Variants in COL4A4 observed in about 807,000 individuals in gnomAD.
COL4A4 encodes collagen alpha-4(IV) chain.
In COL4A4, 105 loss-of-function variants were observed where a neutral mutation model predicts 192.9. That is an observed-to-expected ratio of 0.54 (90% CI 0.46 to 0.64). COL4A4 has a LOEUF of 0.64. Among genes scored for constraint, COL4A4 ranks in the 30% least tolerant of loss-of-function variants. The pLI is 0.00. For synonymous variants in COL4A4, 762 were observed against 769.9 expected (o/e 0.99, Z 0.17); for missense variants, 1,967 against 2,169.3 (o/e 0.91, Z 1.85).
At chr2:227,008,681 T>C (rs1046021469) in intron 46 of COL4A4, among the ~76,000 whole-genome samples, 11 of 152,220 alleles carry the variant, frequency 7.2e-5, no homozygotes, top group Non-Finnish European at 1.5e-4. Context: ...AACTGGAATA[T>C]GTGATTTTAA....
chr2:227,060,036 T>C (rs969102956), intron 27 of COL4A4, 100 bp downstream of exon 27: 48 of 808,518 alleles, frequency 5.9e-5, no homozygotes, highest in Non-Finnish European at 8.8e-5. Flanking sequence ...CCCTGGACCA[T>C]TTCCTCAATG....
rs72969704 is a variant in COL4A4 at position 227,010,486 on chromosome 2, A to G, written c.4349T>C (p.Ile1450Thr). ...YPGGPGPPGPIGDPGPKGFGP... is the reference protein window; with the variant it reads ...YPGGPGPPGPTGDPGPKGFGP... ...AAACCCTTTGGGCCCAGGATCCCCA[A>G]TGGGACCAGGAGGCCCTGGAGGAAC... Residue 1450 changes from isoleucine to threonine, a missense_variant, in exon 46 of 48, where the codon ATT becomes ACT. Physicochemically the swap from Ile to Thr is moderately conservative, Grantham distance 89. Transcript: ENST00000396625. 1,348 of 1,586,956 alleles carry G rather than the reference A, an allele frequency of 8.5e-4. 2 individuals are homozygous for G. The highest frequency in any genetic ancestry group is 1.1e-3 in the Non-Finnish European group (1,234 of 1,167,820).
chr2:227,132,498 G>C (rs753915616), intron 4 of COL4A4, among the ~76,000 whole-genome samples: 1 of 152,152 alleles, frequency 6.6e-6, no homozygotes, highest in Non-Finnish European at 1.5e-5. Flanking sequence ...GATAGAGGAC[G>C]AGTGCAGTGG....
intron 6 of COL4A4, among the ~76,000 whole-genome samples, chr2:227,119,620 A>G (rs1425573960): frequency 6.7e-6 from 1 of 148,722 alleles, no homozygotes; most frequent in Non-Finnish European, 1.5e-5. Context: ...ATTGAAAGTA[A>G]CAGCAAAAAC....
intron 20 of COL4A4, among the ~76,000 whole-genome samples, chr2:227,091,046 C>T (rs2059892416): frequency 6.6e-6 from 1 of 151,770 alleles, no homozygotes; most frequent in East Asian, 1.9e-4. Flanking sequence ...AAAAGATCCC[C>T]TTCCTGAAAT....
intron 1 of COL4A4, among the ~76,000 whole-genome samples, chr2:227,159,850 T>C (rs2064677728): frequency 6.6e-6 from 1 of 152,268 alleles, no homozygotes; most frequent in Non-Finnish European, 1.5e-5. Context: ...TGATTCTTCA[T>C]GGCAGTATGA....
At chr2:227,158,827 T>C (rs2064568239) in intron 1 of COL4A4, among the ~76,000 whole-genome samples, 1 of 151,986 alleles carries the variant, frequency 6.6e-6, no homozygotes, top group African/African-American at 2.4e-5. Context: ...AATAAATATA[T>C]GGAGCAACTG....
chr2:227,076,881 T>C (rs1329816096), intron 25 of COL4A4, among the ~76,000 whole-genome samples: 2 of 152,070 alleles, frequency 1.3e-5, no homozygotes, highest in African/African-American at 2.4e-5. Context: ...CCAACAAACA[T>C]GAAAAAAAGC....
At chr2:227,023,418 G>A (rs1192493142) in intron 43 of COL4A4, among the ~76,000 whole-genome samples, 1 of 147,968 alleles carries the variant, frequency 6.8e-6, no homozygotes, top group Non-Finnish European at 1.5e-5. Flanking sequence ...CTCCAGCCTG[G>A]GTGACAGAGC....
At chr2:227,058,582 G>A (rs1046767059) in intron 28 of COL4A4, among the ~76,000 whole-genome samples, 14 of 152,088 alleles carry the variant, frequency 9.2e-5, no homozygotes, top group African/African-American at 3.1e-4. Context: ...TCTAGTGGAT[G>A]CCTAATAAAC....
chr2:227,092,415 A>C (rs1377324819), intron 20 of COL4A4, among the ~76,000 whole-genome samples: 2 of 152,148 alleles, frequency 1.3e-5, no homozygotes, highest in Non-Finnish European at 2.9e-5. Context: ...GGAGGAAAGA[A>C]AGTCTCAGGA....
intron 4 of COL4A4, among the ~76,000 whole-genome samples, chr2:227,132,199 C>T (rs867510321): frequency 1.3e-5 from 2 of 152,118 alleles, no homozygotes; most frequent in Non-Finnish European, 2.9e-5. Context: ...AAATTGTCCA[C>T]CTGGGGAGGG....
rs2276593 is a variant in COL4A4 at position 227,033,718 on chromosome 2, C to T, written c.3506-237G>A. Among the ~76,000 whole-genome samples the T allele has an allele frequency of 0.42, 64,578 of 152,128 alleles. 13,894 individuals are homozygous for T. Among genetic ancestry groups the T allele is most frequent in the South Asian group, 0.56 (2,724 of 4,824 alleles). ...CAAACATTTCTTTGGTTTTAAAGTA[C>T]TGCTGTTGGTTTCTGATCCTATCGT... is the stretch of plus-strand genomic sequence containing the variant. On this transcript the variant is annotated intron_variant, in intron 37 of 47. Coordinates refer to ENST00000396625, the MANE Select transcript of COL4A4 (RefSeq NM_000092.5).
the COL4A4 span, chr2:226,988,819 A>C: frequency 5.1e-6 from 3 of 589,386 alleles, no homozygotes; most frequent in Admixed American, 1.3e-4. Context: ...GTTAACTACC[A>C]AGGCTGACTT....
intron 31 of COL4A4, among the ~76,000 whole-genome samples, chr2:227,054,298 T>C (rs1974837736): frequency 6.6e-6 from 1 of 152,166 alleles, no homozygotes; most frequent in African/African-American, 2.4e-5. Flanking sequence ...AAGAGCCCCC[T>C]TTCCCAAAAG....
In COL4A4 at chr2:227,123,336, T is replaced by G. The variant is rs2061908632; in HGVS notation, c.193-2188A>C. Among the ~76,000 whole-genome samples, 2 of 152,094 alleles carry G rather than the reference T, an allele frequency of 1.3e-5. No individual in the cohort carries two copies. The highest frequency in any genetic ancestry group is 4.1e-4 in the South Asian group (2 of 4,824). On this transcript the variant is annotated intron_variant, in intron 4 of 47. Transcript: ENST00000396625. The surrounding 1 kb of genome is among the most constrained non-coding windows in gnomAD (Gnocchi z 4.6). Reference sequence around the variant, plus strand: ...AGGCACCAACCTGAGACTCAGTGAATAAATTAGGGTGCCTTCAAACAGGAA... The same window carrying G: ...AGGCACCAACCTGAGACTCAGTGAAGAAATTAGGGTGCCTTCAAACAGGAA...
chr2:226,978,700 G>A, the COL4A4 span, among the ~76,000 whole-genome samples: 1 of 152,156 alleles, frequency 6.6e-6, no homozygotes, highest in Non-Finnish European at 1.5e-5. Context: ...AGATTCACGA[G>A]TAATCACTAA....
rs1238487825 is a variant in COL4A4 at position 227,065,262 on chromosome 2, A to G, written c.1988-2664T>C. On this transcript the variant is annotated intron_variant, in intron 25 of 47. Coordinates refer to ENST00000396625, the MANE Select transcript of COL4A4 (RefSeq NM_000092.5). ...ACGCCAGGCTGATTGCTAGCACAGC[A>G]GTCTGAGATCAAACTGCAAGGCGGC... 2.6e-5 allele frequency among the ~76,000 whole-genome samples: 4 copies of G among 152,364 alleles called. No individual in the cohort carries two copies. The East Asian group carries it at 7.7e-4, about 29-fold the overall frequency.
Position 227,032,171 on chromosome 2 carries a change from T to A in COL4A4, c.3683A>T (p.Lys1228Met), listed in dbSNP as rs1456222789. 1 of 1,614,176 alleles carries A rather than the reference T, an allele frequency of 6.2e-7. No homozygotes were observed. The highest frequency in any genetic ancestry group is 1.7e-5 in the Admixed American group (1 of 60,024). ...PGISPPGPRG[K>M]KGPPGPPGSS... ...ACCTGGGGGTCCTGGGGGACCTTTC[T>A]TTCCACGAGGACCTGGAGGAGAGAT... Residue 1228 changes from lysine (K) to methionine (M), a missense_variant, in exon 39 of 48, where the codon AAG becomes ATG. Lys to Met is a moderately conservative substitution (Grantham distance 95, BLOSUM62 -1). Coordinates refer to ENST00000396625, the MANE Select transcript of COL4A4 (RefSeq NM_000092.5).
Sources: gnomAD v4.1 joint callset for allele counts (sites outside exome capture counted in the v4.1 genomes callset) on GRCh38, gnomAD v4.1.1 for gene constraint, Gnocchi (gnomAD v3.1) non-coding constraint, MANE v1.5 for transcripts, NCBI Gene and HGNC (gene_info 2026-07-23, HGNC 2026-07-21) for gene names.